The following NAA60 variants were observed in gnomAD, a reference collection of about 807,000 sequenced individuals.
NAA60 encodes the protein N-alpha-acetyltransferase 60, NatF catalytic subunit.
A neutral mutation model predicts 26.1 loss-of-function variants in NAA60; 8 were observed. The observed-to-expected ratio is 0.31, with a 90% CI of 0.18 to 0.55. The LOEUF (loss-of-function observed/expected upper bound fraction) is 0.55, where lower values mean the gene tolerates loss of function less well. Ranked by LOEUF, NAA60 falls within the 20% of genes least tolerant of loss-of-function variation. The probability of loss-of-function intolerance (pLI) is 0.93; values close to 1 mark genes in which losing one functional copy is unlikely to be tolerated. For missense variants in NAA60, 290 were observed against 311.3 expected (o/e 0.93, Z 0.51); for synonymous variants, 131 against 122.5 (o/e 1.07, Z -0.46).
intron 6 of NAA60, chr16:3,483,819 C>T: frequency 1.8e-6 from 1 of 554,288 alleles, no homozygotes; most frequent in Non-Finnish European, 3.2e-6. Context: ...TCTCGAACTC[C>T]TAAGCTCAAA....
chr16:3,478,804 C>A (rs1406239373), intron 3 of NAA60, among the ~76,000 whole-genome samples: 2 of 152,176 alleles, frequency 1.3e-5, no homozygotes, highest in Non-Finnish European at 2.9e-5. Flanking sequence ...AGAAGTCTCA[C>A]AGATTCTCGT....
chr16:3,479,741 C>A, intron 4 of NAA60, 141 bp downstream of exon 4: 4 of 915,512 alleles, frequency 4.4e-6, no homozygotes, highest in Non-Finnish European at 6.5e-6. Context: ...GCCAACGACA[C>A]TTGTCCCTGG....
chr16:3,476,631 G>T (rs1596344481), intron 3 of NAA60, among the ~76,000 whole-genome samples: 1 of 152,120 alleles, frequency 6.6e-6, no homozygotes, highest in South Asian at 2.1e-4. Context: ...AGCCACTCAA[G>T]TATCTTCACA....
chr16:3,466,790 C>T (rs966405527), intron 2 of NAA60, among the ~76,000 whole-genome samples: 1 of 151,990 alleles, frequency 6.6e-6, no homozygotes, highest in Non-Finnish European at 1.5e-5. Context: ...ATGTGAGCTG[C>T]CTGGAGTTTG....
chr16:3,470,060 G>A (rs2036028528), intron 2 of NAA60, among the ~76,000 whole-genome samples: 1 of 152,190 alleles, frequency 6.6e-6, no homozygotes, highest in Non-Finnish European at 1.5e-5. Flanking sequence ...TCAGGGGATG[G>A]GCTCCAAAGT....
At chr16:3,459,880 T>C (rs967738182) in intron 2 of NAA60, among the ~76,000 whole-genome samples, 4 of 152,188 alleles carry the variant, frequency 2.6e-5, no homozygotes, top group East Asian at 3.8e-4. Flanking sequence ...ATGTGACTTA[T>C]CTGGGTTGCT....
At chr16:3,444,985 A>G (rs79229603) in intron 1 of NAA60, among the ~76,000 whole-genome samples, 1 of 152,346 alleles carries the variant, frequency 6.6e-6, no homozygotes, top group Non-Finnish European at 1.5e-5. Flanking sequence ...AAGTTAGATA[A>G]GAAACTAGCA....
intron 2 of NAA60, among the ~76,000 whole-genome samples, chr16:3,464,471 C>T (rs928263525): frequency 2.6e-5 from 4 of 152,098 alleles, no homozygotes; most frequent in East Asian, 1.9e-4. Context: ...CTCTGAAACC[C>T]GACCCTCTCT....
At chr16:3,447,848 C>G (rs2034616263) in intron 1 of NAA60, among the ~76,000 whole-genome samples, 1 of 152,116 alleles carries the variant, frequency 6.6e-6, no homozygotes, top group African/African-American at 2.4e-5. Flanking sequence ...TGAGTTGAAA[C>G]TAATAGGAGT....
chr16:3,474,548 G>T (rs985568247), intron 2 of NAA60, among the ~76,000 whole-genome samples: 5 of 152,282 alleles, frequency 3.3e-5, no homozygotes, highest in Non-Finnish European at 7.3e-5. Flanking sequence ...AACCTGGACA[G>T]TGGACGCCGC....
At chr16:3,459,091 A>G (rs1386043332) in intron 2 of NAA60, among the ~76,000 whole-genome samples, 1 of 152,228 alleles carries the variant, frequency 6.6e-6, no homozygotes, top group Non-Finnish European at 1.5e-5. Context: ...CTTGAAAGAA[A>G]AGGTTAACAG....
At chr16:3,447,250 A>G (rs2150942313) in intron 1 of NAA60, among the ~76,000 whole-genome samples, 1 of 152,368 alleles carries the variant, frequency 6.6e-6, no homozygotes, top group South Asian at 2.1e-4. Flanking sequence ...TGAAACAAAA[A>G]CAATAACAAA....
intron 5 of NAA60, chr16:3,482,905 C>T (rs1286920016): frequency 1.9e-6 from 1 of 520,610 alleles, no homozygotes. Flanking sequence ...CCGCCACACG[C>T]ACAACTCGTG....
intron 2 of NAA60, among the ~76,000 whole-genome samples, chr16:3,475,868 G>C (rs1020806501): frequency 4.6e-5 from 7 of 152,258 alleles, no homozygotes; most frequent in African/African-American, 1.7e-4. Context: ...GAGAAGTCAG[G>C]CTGGCTGGGG....
intron 2 of NAA60, among the ~76,000 whole-genome samples, chr16:3,464,884 G>A (rs930134960): frequency 2.6e-5 from 4 of 152,274 alleles, no homozygotes; most frequent in African/African-American, 4.8e-5. Context: ...TGTTGGCTCC[G>A]TCCAGCCCAC....
chr16:3,483,707 A>C (rs1301064702), intron 6 of NAA60, 110 bp downstream of exon 6: 1 of 809,004 alleles, frequency 1.2e-6, no homozygotes, highest in Non-Finnish European at 2.1e-6. Flanking sequence ...CAGGTGGCCA[A>C]GCTTATGGAT....
intron 2 of NAA60, among the ~76,000 whole-genome samples, chr16:3,451,080 A>G (rs1319493946): frequency 3.3e-5 from 5 of 152,220 alleles, no homozygotes; most frequent in Admixed American, 3.3e-4. Flanking sequence ...TTGTACAACA[A>G]ACACCTCTGT....
intron 4 of NAA60, among the ~76,000 whole-genome samples, chr16:3,480,539 G>C (rs1013011609): frequency 5.3e-5 from 8 of 151,780 alleles, no homozygotes; most frequent in African/African-American, 1.7e-4. Context: ...AGAGGTTGCA[G>C]TGAGCCGAGA....
At chr16:3,465,828 G>A (rs1010188752) in intron 2 of NAA60, among the ~76,000 whole-genome samples, 3 of 152,148 alleles carry the variant, frequency 2.0e-5, no homozygotes, top group African/African-American at 7.2e-5. Context: ...TATAATCAGA[G>A]AATCTGACTC....
Sources: gnomAD v4.1 joint callset for allele counts (sites outside exome capture counted in the v4.1 genomes callset) on GRCh38, gnomAD v4.1.1 for gene constraint, MANE v1.5 for transcripts, NCBI Gene and HGNC (gene_info 2026-07-23, HGNC 2026-07-21) for gene names.